Variants in RARB observed in about 807,000 individuals in gnomAD.
RARB encodes the protein retinoic acid receptor beta, also known as HBV-activated protein.
In RARB, 17 loss-of-function variants were observed where a neutral mutation model predicts 51.9. That is an observed-to-expected ratio of 0.33 (90% CI 0.22 to 0.49). RARB has a LOEUF of 0.49. Ranked by LOEUF, RARB falls within the 20% of genes least tolerant of loss-of-function variation. The pLI, the probability that RARB is intolerant of heterozygous loss-of-function variation, is 0.99. For missense variants in RARB, 369 were observed against 550.8 expected, an observed-to-expected ratio of 0.67 and a Z score of 3.30; for synonymous variants, 215 against 195.4, an observed-to-expected ratio of 1.10 and a Z score of -0.84.
intron 5 of RARB, among the ~76,000 whole-genome samples, chr3:25,221,971 T>C (rs996629203): frequency 1.3e-5 from 2 of 152,198 alleles, no homozygotes; most frequent in Non-Finnish European, 2.9e-5. Flanking sequence ...TATCCTGTAA[T>C]TAAGCAGAAT....
intron 2 of RARB, among the ~76,000 whole-genome samples, chr3:24,884,918 G>A (rs1278188003): frequency 1.3e-5 from 2 of 152,080 alleles, no homozygotes; most frequent in African/African-American, 4.8e-5. Flanking sequence ...ATAGGGACAT[G>A]GGGCCATACT....
chr3:25,056,067 A>G (rs1698435449), intron 2 of RARB, among the ~76,000 whole-genome samples: 1 of 152,160 alleles, frequency 6.6e-6, no homozygotes. Context: ...AAACATGCCC[A>G]ACTCTTAGTG....
chr3:25,312,485 AG>A (rs1206908300), intron 5 of RARB, among the ~76,000 whole-genome samples: 6 of 152,308 alleles, frequency 3.9e-5, no homozygotes, highest in African/African-American at 1.4e-4. Flanking sequence ...GGTCAAGTAT[AG>A]AGGAAAAGTA....
intron 2 of RARB, among the ~76,000 whole-genome samples, chr3:24,985,025 G>A (rs550311437): frequency 6.1e-4 from 93 of 152,190 alleles, no homozygotes; most frequent in Non-Finnish European, 1.2e-3. Flanking sequence ...AGAGTTCATC[G>A]GGTTCATTTT....
chr3:25,290,293 G>T (rs1212863670), intron 5 of RARB, among the ~76,000 whole-genome samples: 1 of 152,106 alleles, frequency 6.6e-6, no homozygotes, highest in East Asian at 1.9e-4. Flanking sequence ...CTTATGAGAA[G>T]ACAAGATTAG....
At chr3:24,894,306 C>G (rs903339275) in intron 2 of RARB, among the ~76,000 whole-genome samples, 4 of 149,086 alleles carry the variant, frequency 2.7e-5, no homozygotes, top group African/African-American at 1.0e-4. Flanking sequence ...TCTAGTGGCC[C>G]CATCTTTGTG....
At chr3:25,383,011 T>C (rs1382742552) in intron 5 of RARB, among the ~76,000 whole-genome samples, 2 of 152,200 alleles carry the variant, frequency 1.3e-5, no homozygotes, top group Non-Finnish European at 2.9e-5. Context: ...AACATCTAGA[T>C]TAGGAGGCCC....
chr3:25,217,074 G>A (rs925707089), intron 5 of RARB, among the ~76,000 whole-genome samples: 1 of 152,152 alleles, frequency 6.6e-6, no homozygotes, highest in African/African-American at 2.4e-5. Context: ...CTTGGAAGCA[G>A]CCATTGATTC....
intron 1 of RARB, among the ~76,000 whole-genome samples, chr3:25,440,498 C>T (rs1388503382): frequency 6.6e-6 from 1 of 151,004 alleles, no homozygotes; most frequent in East Asian, 2.0e-4. Context: ...CCAGGCCAGG[C>T]ATGGTGGCTC....
chr3:24,968,475 T>A (rs926432767), intron 2 of RARB, among the ~76,000 whole-genome samples: 2 of 152,132 alleles, frequency 1.3e-5, no homozygotes, highest in African/African-American at 4.8e-5. Context: ...ACCATTTATT[T>A]AGCTTATGAT....
intron 3 of RARB, among the ~76,000 whole-genome samples, chr3:25,065,255 A>G (rs1376599980): frequency 1.3e-5 from 2 of 152,004 alleles, no homozygotes; most frequent in African/African-American, 2.4e-5. Flanking sequence ...ATTTTCTCCT[A>G]TATCAAGTAG....
At chr3:25,073,613 C>T (rs1698814067) in intron 3 of RARB, among the ~76,000 whole-genome samples, 1 of 152,202 alleles carries the variant, frequency 6.6e-6, no homozygotes, top group African/African-American at 2.4e-5. Context: ...GACCCCCTTT[C>T]TGTGGATACT....
intron 2 of RARB, among the ~76,000 whole-genome samples, chr3:25,022,924 A>C (rs1366212487): frequency 1.3e-5 from 2 of 152,166 alleles, no homozygotes; most frequent in Admixed American, 1.3e-4. Flanking sequence ...AGAACTAAGG[A>C]GCTTTATATT....
chr3:25,011,926 G>A (rs1697406802), intron 2 of RARB, among the ~76,000 whole-genome samples: 1 of 152,132 alleles, frequency 6.6e-6, no homozygotes, highest in Non-Finnish European at 1.5e-5. Flanking sequence ...TATTTAGGGA[G>A]AGAGATCATT....
At chr3:25,348,353 CAAT>C (rs1307539116) in intron 5 of RARB, among the ~76,000 whole-genome samples, 1 of 150,598 alleles carries the variant, frequency 6.6e-6, no homozygotes, top group Non-Finnish European at 1.5e-5. Context: ...AAAATATTTG[CAAT>C]AATAACTATA....
chr3:25,497,945 A>G (rs1485581783), intron 2 of RARB, among the ~76,000 whole-genome samples: 2 of 152,258 alleles, frequency 1.3e-5, no homozygotes, highest in East Asian at 3.9e-4. Flanking sequence ...TGAATTCCTC[A>G]AACAGAAAAT....
intron 3 of RARB, among the ~76,000 whole-genome samples, chr3:25,085,736 C>T (rs1257498624): frequency 6.6e-6 from 1 of 152,100 alleles, no homozygotes; most frequent in Admixed American, 6.6e-5. Context: ...GGACCCAGCC[C>T]CTCCATAATT....
chr3:24,930,218 T>A (rs1248382070), intron 2 of RARB, among the ~76,000 whole-genome samples: 1 of 152,082 alleles, frequency 6.6e-6, no homozygotes, highest in Non-Finnish European at 1.5e-5. Flanking sequence ...CTGTCTGATT[T>A]TAGGCAGAAT....
intron 5 of RARB, among the ~76,000 whole-genome samples, chr3:25,225,194 A>G (rs1190829445): frequency 6.6e-6 from 1 of 152,198 alleles, no homozygotes; most frequent in Non-Finnish European, 1.5e-5. Flanking sequence ...TAGGTGCTCT[A>G]TAACACAGGA....
Sources: allele counts gnomAD v4.1 joint callset (sites outside exome capture counted in the v4.1 genomes callset), GRCh38; gene constraint gnomAD v4.1.1; transcripts MANE v1.5; gene names NCBI Gene and HGNC (gene_info 2026-07-23, HGNC 2026-07-21).